DENND4C: variants seen among roughly 807,000 people sequenced by gnomAD.
DENND4C encodes DENN domain-containing protein 4C.
DENND4C carries 108 observed loss-of-function variants against 203.0 expected under a neutral mutation model. The ratio of observed to expected loss-of-function variants is 0.53; its 90% confidence interval spans 0.46 to 0.62. The LOEUF (loss-of-function observed/expected upper bound fraction) is 0.62, where lower values mean the gene tolerates loss of function less well. DENND4C is among the 20% of genes least tolerant of loss of function. The pLI, the probability that DENND4C is intolerant of heterozygous loss-of-function variation, is 0.00. For synonymous variants in DENND4C, 871 were observed against 792.4 expected (o/e 1.10, Z -1.67); for missense variants, 2,481 against 2,301.2 (o/e 1.08, Z -1.60).
intron 1 of DENND4C, among the ~76,000 whole-genome samples, chr9:19,266,156 T>C (rs1437450304): frequency 6.6e-6 from 1 of 152,194 alleles, no homozygotes; most frequent in Non-Finnish European, 1.5e-5. Context: ...TTCTAACTGG[T>C]GTGAGATGGT....
intron 1 of DENND4C, among the ~76,000 whole-genome samples, chr9:19,266,667 A>G (rs1470563801): frequency 6.6e-6 from 1 of 152,220 alleles, no homozygotes; most frequent in Non-Finnish European, 1.5e-5. Flanking sequence ...CTCAGAAATA[A>G]TACCACACAT....
At position 19,316,668 on chromosome 9, in the gene DENND4C, G is replaced by A. The variant is rs765071047; in HGVS notation, c.1636G>A (p.Glu546Lys). ...EGSAIDMTPI[E>K]ADFSWQKKMT... Reference sequence around the variant, plus strand: ...CTCAGCGATTGACATGACTCCAATTGAAGCAGATTTCTCCTGGCAAAAGAA... The same window carrying A: ...CTCAGCGATTGACATGACTCCAATTAAAGCAGATTTCTCCTGGCAAAAGAA... Residue 546 changes from glutamate to lysine, a missense_variant, in exon 12 of 33, where the codon GAA becomes AAA. Physicochemically the swap from Glu to Lys is moderately conservative, Grantham distance 56. Transcript: ENST00000434457. 6 of 1,613,920 alleles carry A rather than the reference G, an allele frequency of 3.7e-6. No homozygotes were observed. The highest frequency in any genetic ancestry group is 2.2e-5 in the South Asian group (2 of 91,084).
rs767654770 is a variant in DENND4C, at chr9:19,360,224, C to A, written c.5161-20C>A. Reference sequence around the variant, plus strand: ...AGATTTAAACAGATAATATTAATTTCTTTTTGTATTTTTTTTAAGGATCCT... The same window carrying A: ...AGATTTAAACAGATAATATTAATTTATTTTTGTATTTTTTTTAAGGATCCT... On this transcript the variant is annotated intron_variant, in intron 28 of 32. Coordinates refer to ENST00000434457, the MANE Select transcript of DENND4C (RefSeq NM_001330640.2). The A allele has an allele frequency of 1.9e-6, 3 of 1,606,462 alleles. No homozygotes were observed. Among genetic ancestry groups the A allele is most frequent in the Non-Finnish European group, 2.6e-6 (3 of 1,176,396 alleles).
At position 19,358,188 on chromosome 9, in the gene DENND4C, A is replaced by T. The variant is rs776346293; in HGVS notation, c.5160+28A>T. The T allele has an allele frequency of 6.4e-7, 1 of 1,567,024 alleles. No homozygotes were observed. Among genetic ancestry groups the T allele is most frequent in the Non-Finnish European group, 8.8e-7 (1 of 1,139,758 alleles). On this transcript the variant is annotated intron_variant, in intron 28 of 32. Transcript: ENST00000434457. This position sits in a 1 kb window ranked among gnomAD's most constrained non-coding sequence, Gnocchi z 4.8. ...ATGTAACAACAACAACATTGTAATT[A>T]TACTGCATACACACCTAAGTATATA...
chr9:19,285,971 T>C (rs760511109), intron 2 of DENND4C, among the ~76,000 whole-genome samples: 1 of 152,192 alleles, frequency 6.6e-6, no homozygotes, highest in Admixed American at 6.5e-5. Flanking sequence ...TGTGGTAGTT[T>C]TGAAGTAGGG....
chr9:19,319,317 C>CAT (rs746044549), intron 12 of DENND4C, among the ~76,000 whole-genome samples: 5 of 41,882 alleles, frequency 1.2e-4, no homozygotes, highest in South Asian at 7.9e-4. Context: ...TATATACACA[C>CAT]ATATATATAC....
In DENND4C at chr9:19,305,373, C is replaced by T. The variant is rs759534184; in HGVS notation, c.1333C>T (p.Gln445Ter). The T allele has an allele frequency of 1.2e-6, 2 of 1,605,826 alleles. No individual in the cohort carries two copies. Among genetic ancestry groups the T allele is most frequent in the Non-Finnish European group, 1.7e-6 (2 of 1,175,962 alleles). ...VVAMIFPFQW[Q>*]CPYIPLCPLS... ...CCAGATGATCTTTCCATTTCAGTGGCAATGCCCATATATTCCCCTTTGTCC... is the reference window on the plus strand; with the variant it reads ...CCAGATGATCTTTCCATTTCAGTGGTAATGCCCATATATTCCCCTTTGTCC... Residue 445 changes from glutamine to a stop codon, truncating the protein, a stop_gained, in exon 10 of 33, where the codon CAA (glutamine) becomes TAA (stop). Coordinates refer to ENST00000434457, the MANE Select transcript of DENND4C (RefSeq NM_001330640.2). LOFTEE classifies it high-confidence loss of function.
At chr9:19,255,673 T>C (rs1223388725) in intron 1 of DENND4C, among the ~76,000 whole-genome samples, 2 of 152,194 alleles carry the variant, frequency 1.3e-5, no homozygotes, top group Non-Finnish European at 2.9e-5. Context: ...TGAAAGGATA[T>C]AACAATTCTT....
At chr9:19,368,371 C>A (rs1483602440) in intron 30 of DENND4C, among the ~76,000 whole-genome samples, 1 of 151,660 alleles carries the variant, frequency 6.6e-6, no homozygotes, top group Non-Finnish European at 1.5e-5. Flanking sequence ...AAAGACAATC[C>A]GCCTGCCTCA....
chr9:19,281,042 G>C (rs1833948544), intron 2 of DENND4C, among the ~76,000 whole-genome samples: 1 of 152,122 alleles, frequency 6.6e-6, no homozygotes, highest in African/African-American at 2.4e-5. Flanking sequence ...TGCCGGGCCA[G>C]TCGTCTTTTA....
Position 19,290,842 on chromosome 9 carries a change from C to A in DENND4C, c.767C>A (p.Ser256Ter). The A allele has an allele frequency of 6.2e-7, 1 of 1,613,452 alleles. No individual in the cohort carries two copies. The highest frequency in any genetic ancestry group is 8.5e-7 in the Non-Finnish European group (1 of 1,179,692). The change falls in exon 5 of 33, where the codon TCA (serine) becomes TAA (stop). Residue 256 changes from serine to a stop codon, truncating the protein, a stop_gained. Transcript: ENST00000434457. LOFTEE classifies it high-confidence loss of function. ...PETKYPLPVF[S>*]TFVLTGSSAK... The stretch of plus-strand genomic sequence containing the variant: ...ACCAAATATCCACTTCCAGTTTTTT[C>A]AACTTTTGTCTTGACAGGTTCTTCA...
chr9:19,346,032 A>G lies in DENND4C; in HGVS notation c.3263A>G (p.His1088Arg), dbSNP rs754767486. The G allele has an allele frequency of 3.7e-6, 6 of 1,614,154 alleles. No individual in the cohort carries two copies. The highest frequency in any genetic ancestry group is 5.1e-6 in the Non-Finnish European group (6 of 1,180,032). ...NGDRGEKRQK[H>R]FPERSCSFSS... Reference sequence around the variant, plus strand: ...GATAGAGGAGAAAAAAGACAAAAGCATTTTCCTGAGAGGAGTTGTAGTTTT... The same window carrying G: ...GATAGAGGAGAAAAAAGACAAAAGCGTTTTCCTGAGAGGAGTTGTAGTTTT... The change falls in exon 23 of 33, where the codon CAT becomes CGT. Residue 1088 changes from histidine (H) to arginine (R), a missense_variant. By Grantham distance (29) the His-to-Arg change is conservative. Coordinates refer to ENST00000434457, the MANE Select transcript of DENND4C (RefSeq NM_001330640.2).
At chr9:19,368,616 G>A (rs1436543664) in intron 30 of DENND4C, among the ~76,000 whole-genome samples, 1 of 152,090 alleles carries the variant, frequency 6.6e-6, no homozygotes, top group Non-Finnish European at 1.5e-5. Flanking sequence ...GGGCAACATA[G>A]TGGGAGCCCA....
At chr9:19,294,721 A>C (rs1837074762) in intron 5 of DENND4C, among the ~76,000 whole-genome samples, 1 of 152,238 alleles carries the variant, frequency 6.6e-6, no homozygotes, top group African/African-American at 2.4e-5. Flanking sequence ...AAGGAATGAA[A>C]TTCAGATATT....
chr9:19,232,847 A>G (rs1820919319), intron 1 of DENND4C, among the ~76,000 whole-genome samples: 1 of 152,220 alleles, frequency 6.6e-6, no homozygotes, highest in African/African-American at 2.4e-5. Context: ...GGGATTTTAC[A>G]TTATAAATAA....
chr9:19,327,865 GTATGT>G (rs1189077002), intron 15 of DENND4C, among the ~76,000 whole-genome samples, 160 bp from the exon 16 acceptor site: 1 of 151,950 alleles, frequency 6.6e-6, no homozygotes, highest in African/African-American at 2.4e-5. Flanking sequence ...GGTAGTCTCT[GTATGT>G]TATATCATTT....
chr9:19,332,053 C>A lies in DENND4C; in HGVS notation c.2329C>A (p.His777Asn), dbSNP rs1233180893. ...ACAGTGGGCCAAGTGTCTGTTTAGT[C>A]ATTGTTACAGTTTATGGTTTATTTG... is the stretch of plus-strand genomic sequence containing the variant. Reference protein sequence around the residue: ...PPQWAKCLFSHCYSLWFICLP... With the variant: ...PPQWAKCLFSNCYSLWFICLP... Residue 777 changes from histidine to asparagine, a missense_variant, in exon 17 of 33, where the codon CAT becomes AAT. By Grantham distance (68) the His-to-Asn change is moderately conservative (BLOSUM62 1). Around this residue, in one of 3 missense-constraint regions of DENND4C, gnomAD observed 2,289 missense variants for 2,113.3 expected, o/e 1.08. Transcript: ENST00000434457. 3.7e-6 allele frequency: 6 copies of A among 1,613,854 alleles called. No homozygotes were observed. The highest frequency in any genetic ancestry group is 5.1e-6 in the Non-Finnish European group (6 of 1,179,988).
intron 6 of DENND4C, among the ~76,000 whole-genome samples, 199 bp downstream of exon 6, chr9:19,296,445 A>T (rs560899248): frequency 1.0e-4 from 15 of 149,434 alleles, no homozygotes; most frequent in African/African-American, 3.4e-4. Flanking sequence ...GTTCACTGCA[A>T]CCTCCACCTC....
At chr9:19,235,652 C>G (rs1821781333) in intron 1 of DENND4C, among the ~76,000 whole-genome samples, 1 of 143,434 alleles carries the variant, frequency 7.0e-6, no homozygotes, top group Non-Finnish European at 1.5e-5. Flanking sequence ...GCTCTGTCAC[C>G]CAGGCTGGAG....
Sources: allele counts gnomAD v4.1 joint callset (sites outside exome capture counted in the v4.1 genomes callset), GRCh38; gene constraint gnomAD v4.1.1; regional missense constraint gnomAD v4.1.1; non-coding constraint Gnocchi (gnomAD v3.1); transcripts MANE v1.5; gene names NCBI Gene and HGNC (gene_info 2026-07-23, HGNC 2026-07-21).